The following BTBD9 variants were observed in gnomAD, a reference collection of about 807,000 sequenced individuals.
BTBD9 encodes BTB/POZ domain-containing protein 9.
In BTBD9, 49 loss-of-function variants were observed where a neutral mutation model predicts 64.3. That is an observed-to-expected ratio of 0.76 (90% confidence interval 0.61 to 0.97). The LOEUF (loss-of-function observed/expected upper bound fraction) is 0.97, where lower values mean the gene tolerates loss of function less well. Ranked by LOEUF, BTBD9 falls within the 50% of genes least tolerant of loss-of-function variation. The pLI is 0.00. For missense variants in BTBD9, 598 were observed against 762.1 expected, an observed-to-expected ratio of 0.78 and a Z score of 2.53; for synonymous variants, 260 against 274.7, an observed-to-expected ratio of 0.95 and a Z score of 0.53.
intron 6 of BTBD9, among the ~76,000 whole-genome samples, chr6:38,466,258 A>G (rs1245035977): frequency 6.6e-6 from 1 of 150,822 alleles, no homozygotes; most frequent in Non-Finnish European, 1.5e-5. Flanking sequence ...GTTGACTGAA[A>G]ATCTGAGCTC....
rs527709409 is a variant in BTBD9, at chr6:38,512,499, G to T, written c.1154+65101C>A. ...GTATCATCTCCAGTGCTAAGGAAAG[G>T]GTGGGAGCTTGCTGACCGAGCTGAA... On this transcript the variant is annotated intron_variant, in intron 6 of 10. Transcript: ENST00000481247. 8.5e-5 allele frequency among the ~76,000 whole-genome samples: 13 copies of T among 152,288 alleles called. No individual in the cohort carries two copies. In the South Asian group the frequency reaches 2.7e-3, roughly 32 times the overall value.
intron 7 of BTBD9, among the ~76,000 whole-genome samples, chr6:38,332,228 G>C (rs978214117): frequency 2.6e-5 from 4 of 152,124 alleles, no homozygotes; most frequent in African/African-American, 7.2e-5. Context: ...TTGTGCTGAG[G>C]AAGTTGTTCC....
At chr6:38,425,927 T>C (rs12528037) in intron 6 of BTBD9, among the ~76,000 whole-genome samples, 34 of 137,054 alleles carry the variant, frequency 2.5e-4, no homozygotes, top group East Asian at 6.4e-4. Flanking sequence ...AAGAAACACA[T>C]ACACACACAC....
intron 6 of BTBD9, among the ~76,000 whole-genome samples, chr6:38,543,083 C>T (rs907613714): frequency 1.3e-5 from 2 of 152,368 alleles, no homozygotes; most frequent in African/African-American, 4.8e-5. Context: ...CCTCCCCTGA[C>T]TCACCATGTT....
At chr6:38,209,319 A>G (rs1228755296) in intron 9 of BTBD9, among the ~76,000 whole-genome samples, 2 of 152,172 alleles carry the variant, frequency 1.3e-5, no homozygotes, top group African/African-American at 4.8e-5. Context: ...CAGGTTCAAA[A>G]TTCTTTGCGG....
intron 6 of BTBD9, among the ~76,000 whole-genome samples, chr6:38,371,073 T>G (rs528597158): frequency 4.6e-5 from 7 of 152,170 alleles, no homozygotes; most frequent in Non-Finnish European, 1.0e-4. Flanking sequence ...ACCATGTTTA[T>G]CATCCAGGAC....
chr6:38,399,301 T>C (rs1344556408), intron 6 of BTBD9, among the ~76,000 whole-genome samples: 1 of 152,134 alleles, frequency 6.6e-6, no homozygotes, highest in African/African-American at 2.4e-5. Flanking sequence ...AATCTTAAAA[T>C]TGTCTACTAG....
At chr6:38,193,937 G>T (rs1055510451) in intron 9 of BTBD9, 2 of 957,658 alleles carry the variant, frequency 2.1e-6, no homozygotes, top group Non-Finnish European at 2.5e-6. Flanking sequence ...TTACCATCTT[G>T]TGTGTAAAGT....
intron 6 of BTBD9, among the ~76,000 whole-genome samples, chr6:38,502,905 C>G (rs565797560): frequency 1.1e-4 from 17 of 152,218 alleles, no homozygotes; most frequent in Admixed American, 6.5e-4. Context: ...TCCAAGAACT[C>G]ACACTCTGAA....
chr6:38,242,748 A>G (rs997113836), intron 9 of BTBD9, among the ~76,000 whole-genome samples: 27 of 152,232 alleles, frequency 1.8e-4, no homozygotes, highest in African/African-American at 5.8e-4. Context: ...AGACTGAATC[A>G]AAGTTGTGCA....
intron 7 of BTBD9, among the ~76,000 whole-genome samples, chr6:38,311,450 T>C (rs1354292586): frequency 6.6e-6 from 1 of 152,254 alleles, no homozygotes; most frequent in Non-Finnish European, 1.5e-5. Flanking sequence ...ATTGTGTGTA[T>C]GTACCACATT....
At chr6:38,542,673 T>C (rs1441041998) in intron 6 of BTBD9, among the ~76,000 whole-genome samples, 4 of 152,288 alleles carry the variant, frequency 2.6e-5, no homozygotes, top group East Asian at 3.9e-4. Flanking sequence ...CTAGATTCCT[T>C]ACTTCTCTTG....
rs1326025092 is a variant in BTBD9, at chr6:38,374,307, GTA to G, written c.1155-29216_1155-29215del. Among the ~76,000 whole-genome samples the G allele has an allele frequency of 3.9e-3, 232 of 58,930 alleles. 15 individuals carry two copies. Among genetic ancestry groups the G allele is most frequent in the Middle Eastern group, 8.9e-3 (1 of 112 alleles). 38.7% of individuals were successfully genotyped at this position (58,930 alleles called of 152,430 possible). A position where few individuals can be genotyped will look rare whatever the true frequency, so the allele number is the denominator to read the frequency against. The stretch of plus-strand genomic sequence containing the variant: ...AGTATATATATATATGTATATATAT[GTA>G]TATATATATATATATATGTATATAA... On this transcript the variant is annotated intron_variant, in intron 6 of 10. Transcript: ENST00000481247.
At chr6:38,252,790 GT>G (rs1386874942) in intron 9 of BTBD9, among the ~76,000 whole-genome samples, 1 of 152,156 alleles carries the variant, frequency 6.6e-6, no homozygotes, top group Non-Finnish European at 1.5e-5. Flanking sequence ...CTGGTCAACA[GT>G]TAGTCAATCA....
chr6:38,317,845 C>T (rs906477192), intron 7 of BTBD9, among the ~76,000 whole-genome samples: 1 of 150,794 alleles, frequency 6.6e-6, no homozygotes, highest in East Asian at 1.9e-4. Flanking sequence ...CTGCTTGATG[C>T]TTTTTAATTA....
At chr6:38,496,871 C>T (rs978398743) in intron 6 of BTBD9, among the ~76,000 whole-genome samples, 6 of 152,166 alleles carry the variant, frequency 3.9e-5, no homozygotes, top group Non-Finnish European at 7.3e-5. Flanking sequence ...CCTTCCCTTG[C>T]TACGTTAGTG....
chr6:38,184,381 T>G lies in BTBD9; in HGVS notation c.1641+8138A>C, dbSNP rs1761723230. On this transcript the variant is annotated intron_variant, in intron 10 of 10. Coordinates refer to ENST00000481247, the MANE Select transcript of BTBD9 (RefSeq NM_001099272.2). The surrounding 1 kb of genome is among the most constrained non-coding windows in gnomAD (Gnocchi z 4.4). ...TGAAACCTAAGTTTGTTTCCATTATTTCTATTCCCAAGCAGGTTTTCTTTG... is the reference window on the plus strand; with the variant it reads ...TGAAACCTAAGTTTGTTTCCATTATGTCTATTCCCAAGCAGGTTTTCTTTG... 6.6e-6 allele frequency among the ~76,000 whole-genome samples: 1 copy of G among 152,208 alleles called. No individual in the cohort carries two copies. Among genetic ancestry groups the G allele is most frequent in the Non-Finnish European group, 1.5e-5 (1 of 68,040 alleles).
intron 6 of BTBD9, among the ~76,000 whole-genome samples, chr6:38,368,622 C>G (rs1483195756): frequency 6.6e-6 from 1 of 152,118 alleles, no homozygotes; most frequent in Non-Finnish European, 1.5e-5. Flanking sequence ...TGTGAGCCAC[C>G]ATGCCCGGCC....
intron 5 of BTBD9, 149 bp from the exon 6 acceptor site, chr6:38,577,868 T>C: frequency 1.3e-6 from 1 of 743,648 alleles, no homozygotes; most frequent in South Asian, 1.8e-5. Flanking sequence ...CAAAAGAATG[T>C]TATGATAGCA....
Sources: gnomAD v4.1 joint callset for allele counts (sites outside exome capture counted in the v4.1 genomes callset) on GRCh38, gnomAD v4.1.1 for gene constraint, Gnocchi (gnomAD v3.1) non-coding constraint, MANE v1.5 for transcripts, NCBI Gene and HGNC (gene_info 2026-07-23, HGNC 2026-07-21) for gene names.